Variants in DGKB observed in about 807,000 individuals in gnomAD.
DGKB encodes diacylglycerol kinase beta.
DGKB carries 67 observed loss-of-function variants against 114.3 expected under a neutral mutation model. The ratio of observed to expected loss-of-function variants is 0.59; its 90% CI spans 0.48 to 0.72. The LOEUF is 0.72. Ranked by LOEUF, DGKB falls within the 30% of genes least tolerant of loss-of-function variation. The pLI is 0.00. For missense variants in DGKB, 907 were observed against 975.2 expected, an observed-to-expected ratio of 0.93 and a Z score of 0.93; for synonymous variants, 398 against 323.1, an observed-to-expected ratio of 1.23 and a Z score of -2.49.
intron 8 of DGKB, 144 bp from the exon 9 acceptor site, chr7:14,694,338 C>T (rs764480069): frequency 4.2e-6 from 3 of 719,848 alleles, no homozygotes; most frequent in South Asian, 2.0e-5. Flanking sequence ...AATTCTATTA[C>T]TGATGAAGAG....
At chr7:14,279,745 G>T (rs1584903574) in intron 23 of DGKB, among the ~76,000 whole-genome samples, 1 of 151,126 alleles carries the variant, frequency 6.6e-6, no homozygotes, top group Admixed American at 6.6e-5. Flanking sequence ...TCCAGCAGGG[G>T]CACACTGACA....
intron 13 of DGKB, among the ~76,000 whole-genome samples, chr7:14,663,395 T>A (rs1331270025): frequency 1.3e-5 from 2 of 152,028 alleles, no homozygotes; most frequent in African/African-American, 2.4e-5. Flanking sequence ...TCAACTGAAT[T>A]GTTTGTTTAT....
upstream of DGKB, among the ~76,000 whole-genome samples, chr7:14,905,263 T>TTTTA (rs1783634517): frequency 7.3e-6 from 1 of 136,616 alleles, no homozygotes; most frequent in Non-Finnish European, 1.5e-5. Flanking sequence ...TTTTTTTTTT[T>TTTTA]AACAGCTTAT....
intron 25 of DGKB, among the ~76,000 whole-genome samples, chr7:14,165,716 G>C (rs938151487): frequency 2.0e-4 from 31 of 152,144 alleles, no homozygotes; most frequent in African/African-American, 7.2e-4. Flanking sequence ...GGATTTTCAT[G>C]ATATTCAACT....
intron 1 of DGKB, among the ~76,000 whole-genome samples, chr7:14,859,048 G>T (rs1168615064): frequency 6.6e-6 from 1 of 152,094 alleles, no homozygotes; most frequent in Non-Finnish European, 1.5e-5. Context: ...GAGAAACCAA[G>T]AAAGAGGAAG....
chr7:14,797,979 G>T (rs1379574691), intron 2 of DGKB, among the ~76,000 whole-genome samples: 1 of 152,176 alleles, frequency 6.6e-6, no homozygotes, highest in African/African-American at 2.4e-5. Flanking sequence ...CAGAAAGAAA[G>T]CTCTCAGCAG....
At chr7:14,758,924 GATAGATAGATAC>G (rs1412095447) in intron 2 of DGKB, among the ~76,000 whole-genome samples, 143 of 147,620 alleles carry the variant, frequency 9.7e-4, no homozygotes, top group African/African-American at 3.7e-3. Flanking sequence ...TAGATAGATA[GATAGATAGATAC>G]ATAGATAGAT....
intron 23 of DGKB, among the ~76,000 whole-genome samples, chr7:14,287,753 T>C (rs775120401): frequency 6.6e-6 from 1 of 152,192 alleles, no homozygotes; most frequent in Non-Finnish European, 1.5e-5. Context: ...ACATGGGTCC[T>C]GAAATGGAGC....
At chr7:14,492,240 T>C (rs1415541876) in intron 20 of DGKB, among the ~76,000 whole-genome samples, 1 of 152,032 alleles carries the variant, frequency 6.6e-6, no homozygotes, top group Non-Finnish European at 1.5e-5. Context: ...GACTTTCCTA[T>C]GGGCAGTAGA....
intron 20 of DGKB, among the ~76,000 whole-genome samples, chr7:14,547,711 A>G (rs909101775): frequency 5.3e-5 from 8 of 152,104 alleles, no homozygotes; most frequent in Non-Finnish European, 2.9e-5. Flanking sequence ...CTTAGCTGTG[A>G]TACATTTTGC....
At chr7:14,260,107 T>C (rs200349633) in intron 23 of DGKB, among the ~76,000 whole-genome samples, 12 of 30,604 alleles carry the variant, frequency 3.9e-4, no homozygotes, top group African/African-American at 1.2e-3. Context: ...CACACACACA[T>C]GAACACACAC....
intron 20 of DGKB, among the ~76,000 whole-genome samples, chr7:14,486,099 G>C (rs1783766050): frequency 6.6e-6 from 1 of 152,008 alleles, no homozygotes; most frequent in Non-Finnish European, 1.5e-5. Context: ...AGTTGGACAT[G>C]GTCATATCAC....
At chr7:14,730,869 T>C (rs1830806431) in intron 5 of DGKB, among the ~76,000 whole-genome samples, 1 of 152,142 alleles carries the variant, frequency 6.6e-6, no homozygotes, top group Non-Finnish European at 1.5e-5. Flanking sequence ...ATAAGTTTAA[T>C]TAAAAAATGC....
chr7:14,949,846 G>C (rs1015537516), intron 1 of DGKB, among the ~76,000 whole-genome samples: 5 of 151,682 alleles, frequency 3.3e-5, no homozygotes, highest in Non-Finnish European at 5.9e-5. Context: ...GCACACTATT[G>C]CAAGGACAGA....
At chr7:14,940,144 C>G (rs1292606490) in intron 1 of DGKB, among the ~76,000 whole-genome samples, 3 of 152,034 alleles carry the variant, frequency 2.0e-5, no homozygotes, top group Non-Finnish European at 4.4e-5. Context: ...TTCAAATGTG[C>G]TCATTTCAGT....
chr7:14,877,082 G>A (rs565057374), intron 1 of DGKB, among the ~76,000 whole-genome samples: 6 of 152,102 alleles, frequency 3.9e-5, no homozygotes, highest in Non-Finnish European at 8.8e-5. Context: ...ACAGTTAATC[G>A]AGAACTTTTT....
chr7:14,320,223 T>C (rs1009224832), intron 23 of DGKB, among the ~76,000 whole-genome samples: 12 of 152,210 alleles, frequency 7.9e-5, no homozygotes, highest in Non-Finnish European at 1.6e-4. Flanking sequence ...TCTCTGGCCC[T>C]ACATGTCTGA....
chr7:14,868,126 T>A (rs1038541780), intron 1 of DGKB, among the ~76,000 whole-genome samples: 1 of 152,108 alleles, frequency 6.6e-6, no homozygotes, highest in Non-Finnish European at 1.5e-5. Context: ...CTTCTTCTTC[T>A]GGCTCTGATG....
intron 2 of DGKB, among the ~76,000 whole-genome samples, chr7:14,820,113 G>T (rs1007905937): frequency 6.6e-6 from 1 of 152,046 alleles, no homozygotes; most frequent in African/African-American, 2.4e-5. Flanking sequence ...GCTCATTGTA[G>T]TAGGAATTAC....
Sources: gnomAD v4.1 joint callset for allele counts (sites outside exome capture counted in the v4.1 genomes callset) on GRCh38, gnomAD v4.1.1 for gene constraint, MANE v1.5 for transcripts, NCBI Gene and HGNC (gene_info 2026-07-23, HGNC 2026-07-21) for gene names.